Variants in PLEKHM3 observed in about 807,000 individuals in gnomAD.
PLEKHM3 encodes pleckstrin homology domain containing M3, also known as pleckstrin homology domain-containing family M member 3.
Under a neutral mutation model 81.8 loss-of-function variants are expected in PLEKHM3, and 45 were observed. That is an observed-to-expected ratio of 0.55 (90% CI 0.43 to 0.71). PLEKHM3 has a LOEUF of 0.71. Among genes scored for constraint, PLEKHM3 ranks in the 30% least tolerant of loss-of-function variants. PLEKHM3 has a pLI of 0.00. For synonymous variants in PLEKHM3, 352 were observed against 356.4 expected (o/e 0.99, Z 0.14); for missense variants, 788 against 924.3 (o/e 0.85, Z 1.91).
rs571373522 is a variant in PLEKHM3, at chr2:207,878,772, C to T, written c.1951-17510G>A. Among the ~76,000 whole-genome samples, 9 of 152,320 alleles carry T rather than the reference C, an allele frequency of 5.9e-5. No individual in the cohort carries two copies. The South Asian group carries it at 1.9e-3, about 32-fold the overall frequency. On this transcript the variant is annotated intron_variant, in intron 6 of 7. Transcript: ENST00000427836. ...AGTACAGAGTAGGGAGCTGGACTCT[C>T]AGAGCTTAAGCCCTAAGCACTAAGC...
chr2:207,830,723 TG>T (rs1377588595), intron 7 of PLEKHM3, among the ~76,000 whole-genome samples: 1 of 136,828 alleles, frequency 7.3e-6, no homozygotes, highest in African/African-American at 2.8e-5. Flanking sequence ...TCCTTAGAAG[TG>T]TCCTAAGTTG....
At chr2:208,004,764 A>T (rs1434881759) in intron 1 of PLEKHM3, among the ~76,000 whole-genome samples, 1 of 151,608 alleles carries the variant, frequency 6.6e-6, no homozygotes, top group East Asian at 1.9e-4. Flanking sequence ...TCTGCCCTAG[A>T]CTCTTGATCT....
chr2:207,908,208 G>C (rs971359250), intron 6 of PLEKHM3, among the ~76,000 whole-genome samples: 2 of 152,120 alleles, frequency 1.3e-5, no homozygotes, highest in Non-Finnish European at 2.9e-5. Flanking sequence ...TATATACCTA[G>C]GAGTAAAATT....
intron 3 of PLEKHM3, among the ~76,000 whole-genome samples, chr2:207,967,108 T>G (rs1361855130): frequency 6.6e-6 from 1 of 152,146 alleles, no homozygotes; most frequent in Non-Finnish European, 1.5e-5. Flanking sequence ...CTCAGTCTCC[T>G]GCACAGCTGG....
At chr2:207,863,738 G>A (rs1038370570) in intron 6 of PLEKHM3, among the ~76,000 whole-genome samples, 1 of 152,122 alleles carries the variant, frequency 6.6e-6, no homozygotes, top group East Asian at 1.9e-4. Context: ...GATGCAGCAT[G>A]AGGCTCTTAA....
intron 7 of PLEKHM3, among the ~76,000 whole-genome samples, chr2:207,857,216 A>G (rs2092441438): frequency 6.6e-6 from 1 of 152,146 alleles, no homozygotes; most frequent in South Asian, 2.1e-4. Flanking sequence ...TGTCTTACAT[A>G]TTTTGACTCT....
intron 2 of PLEKHM3, among the ~76,000 whole-genome samples, chr2:207,994,207 A>G (rs956566462): frequency 1.3e-5 from 2 of 152,182 alleles, no homozygotes; most frequent in African/African-American, 4.8e-5. Flanking sequence ...ATGTATCTAT[A>G]CTTTGTTATA....
chr2:207,954,680 G>C (rs1464599589), intron 3 of PLEKHM3, among the ~76,000 whole-genome samples: 5 of 152,100 alleles, frequency 3.3e-5, no homozygotes, highest in Non-Finnish European at 7.4e-5. Context: ...GAGTTATTTG[G>C]GTTTTCCCCC....
intron 7 of PLEKHM3, among the ~76,000 whole-genome samples, chr2:207,840,373 T>G (rs1222547351): frequency 6.6e-6 from 1 of 152,054 alleles, no homozygotes; most frequent in Non-Finnish European, 1.5e-5. Context: ...AAAACCATTG[T>G]TTTTGCAGAG....
At chr2:207,938,836 A>C (rs2718665) in intron 4 of PLEKHM3, among the ~76,000 whole-genome samples, 95,217 of 152,036 alleles carry the variant, frequency 0.63, 30,534 homozygotes, top group Middle Eastern at 0.79. Flanking sequence ...ATGACCACCA[A>C]AACAAAACAT....
At chr2:207,979,644 C>T (rs1691453785) in intron 2 of PLEKHM3, among the ~76,000 whole-genome samples, 1 of 152,072 alleles carries the variant, frequency 6.6e-6, no homozygotes, top group Admixed American at 6.5e-5. Context: ...ATCTCTTTGC[C>T]AACACACATT....
chr2:207,937,681 C>T (rs1405376427), intron 4 of PLEKHM3, among the ~76,000 whole-genome samples: 2 of 151,674 alleles, frequency 1.3e-5, no homozygotes, highest in Admixed American at 1.3e-4. Flanking sequence ...TAATATAATC[C>T]CATTACTGAA....
At chr2:207,962,032 C>T (rs1235458704) in intron 3 of PLEKHM3, among the ~76,000 whole-genome samples, 1 of 152,158 alleles carries the variant, frequency 6.6e-6, no homozygotes, top group African/African-American at 2.4e-5. Flanking sequence ...TTCTAAAACC[C>T]TTGGAATTTC....
intron 7 of PLEKHM3, among the ~76,000 whole-genome samples, chr2:207,840,799 G>GTTTTTTTTTTTT (rs1221570591): frequency 2.7e-5 from 3 of 109,796 alleles, no homozygotes; most frequent in Admixed American, 9.7e-5. Context: ...CACTTTTTAT[G>GTTTTTTTTTTTT]TTTTTTTTTT....
At chr2:207,997,032 G>T (rs1159448308) in intron 2 of PLEKHM3, among the ~76,000 whole-genome samples, 1 of 151,882 alleles carries the variant, frequency 6.6e-6, no homozygotes. Context: ...TTACAATGCG[G>T]GTACAGAGTG....
intron 6 of PLEKHM3, among the ~76,000 whole-genome samples, chr2:207,877,068 G>A (rs868294346): frequency 6.6e-6 from 1 of 152,078 alleles, no homozygotes; most frequent in East Asian, 1.9e-4. Context: ...TGTACTGACC[G>A]ACCTGCCTTA....
chr2:207,937,985 C>G (rs1361494967), intron 4 of PLEKHM3, among the ~76,000 whole-genome samples: 6 of 152,198 alleles, frequency 3.9e-5, no homozygotes, highest in Non-Finnish European at 8.8e-5. Context: ...GTGAGCTTTT[C>G]CTCAGCTCCA....
chr2:207,990,964 G>A (rs974565521), intron 2 of PLEKHM3, among the ~76,000 whole-genome samples: 1 of 152,152 alleles, frequency 6.6e-6, no homozygotes, highest in Non-Finnish European at 1.5e-5. Flanking sequence ...TACCAGTTTA[G>A]GGATCTCTTC....
rs1251280675 is a variant in PLEKHM3, at chr2:207,976,503, T to C, written c.1546+148A>G. The C allele has an allele frequency of 1.3e-6, 1 of 750,670 alleles. No individual in the cohort carries two copies. Among genetic ancestry groups the C allele is most frequent in the African/African-American group, 1.8e-5 (1 of 56,548 alleles). 46.5% of individuals were successfully genotyped at this position (750,670 alleles called of 1,614,324 possible). On this transcript the variant is annotated intron_variant, in intron 3 of 7. Coordinates refer to ENST00000427836, the MANE Select transcript of PLEKHM3 (RefSeq NM_001080475.3). The surrounding 1 kb of genome is among the most constrained non-coding windows in gnomAD (Gnocchi z 4.1). ...TATAGTAATTTAATATAGGATGTTT[T>C]AATACAGTAAGCTTCTCGAGGAGAG...
Sources: allele counts gnomAD v4.1 joint callset (sites outside exome capture counted in the v4.1 genomes callset), GRCh38; gene constraint gnomAD v4.1.1; non-coding constraint Gnocchi (gnomAD v3.1); transcripts MANE v1.5; gene names NCBI Gene and HGNC (gene_info 2026-07-23, HGNC 2026-07-21).